Variants in CYTH1 observed in about 807,000 individuals in gnomAD.
CYTH1 encodes cytohesin 1.
CYTH1 carries 18 observed loss-of-function variants against 61.8 expected under a neutral mutation model. That is an observed-to-expected ratio of 0.29 (90% CI 0.20 to 0.43). The LOEUF is 0.43. Among genes scored for constraint, CYTH1 ranks in the 20% least tolerant of loss-of-function variants. CYTH1 has a pLI of 1.00. For missense variants in CYTH1, 336 were observed against 510.5 expected, an observed-to-expected ratio of 0.66 and a Z score of 3.29; for synonymous variants, 174 against 184.3, an observed-to-expected ratio of 0.94 and a Z score of 0.45.
intron 1 of CYTH1, among the ~76,000 whole-genome samples, chr17:78,715,383 T>C (rs529500228): frequency 1.3e-5 from 2 of 152,302 alleles, no homozygotes; most frequent in Non-Finnish European, 2.9e-5. Flanking sequence ...GCACCCCTTC[T>C]GAAGAAGCTA....
intron 1 of CYTH1, among the ~76,000 whole-genome samples, chr17:78,768,336 C>A (rs1206165994): frequency 6.6e-6 from 1 of 152,170 alleles, no homozygotes; most frequent in East Asian, 1.9e-4. Flanking sequence ...CGTGGCATCA[C>A]CCACTCCCTG....
intron 3 of CYTH1, among the ~76,000 whole-genome samples, chr17:78,707,096 AGAG>A (rs1443913828): frequency 2.0e-5 from 3 of 152,230 alleles, no homozygotes; most frequent in Non-Finnish European, 4.4e-5. Context: ...TAAAATGGAA[AGAG>A]GGGAAACTAA....
rs1567851953 is a variant in CYTH1 at position 78,711,297 on chromosome 17, TA to T, written c.23-1566del. Among the ~76,000 whole-genome samples the T allele has an allele frequency of 6.1e-3, 656 of 106,672 alleles. 4 individuals are homozygous for T. The highest frequency in any genetic ancestry group is 0.017 in the African/African-American group (476 of 28,328). The allele number at this position is 106,672 out of a possible 152,430, so 70.0% of individuals were successfully genotyped here. A position where few individuals can be genotyped will look rare whatever the true frequency, so the allele number is the denominator to read the frequency against. ...ATAAATAAATAAATAAATAAATAAA[TA>T]AATAATATATATATATACACACACA... On this transcript the variant is annotated intron_variant, in intron 1 of 13. Coordinates refer to ENST00000446868, the MANE Select transcript of CYTH1 (RefSeq NM_004762.6).
At chr17:78,747,864 G>C (rs2093365399) in intron 1 of CYTH1, among the ~76,000 whole-genome samples, 2 of 152,088 alleles carry the variant, frequency 1.3e-5, no homozygotes, top group Admixed American at 1.3e-4. Flanking sequence ...GTAAAATTTT[G>C]TGTTGTATAG....
chr17:78,776,827 A>T (rs9913217), intron 1 of CYTH1, among the ~76,000 whole-genome samples: 13,109 of 147,656 alleles, frequency 0.089, 1,173 homozygotes, highest in African/African-American at 0.24. Flanking sequence ...TTTTTTTTTT[A>T]AAAAAAGAAA....
chr17:78,676,209 C>A, intron 13 of CYTH1, 40 bp from the exon 14 acceptor site: 1 of 1,568,978 alleles, frequency 6.4e-7, no homozygotes, highest in South Asian at 1.2e-5. Context: ...ACGTGAGGGA[C>A]AGAATCAGAA....
chr17:78,711,670 T>TG (rs1383217206), intron 1 of CYTH1, among the ~76,000 whole-genome samples: 1 of 151,344 alleles, frequency 6.6e-6, no homozygotes, highest in Non-Finnish European at 1.5e-5. Flanking sequence ...AAGTGTACAG[T>TG]GGGTTAATTA....
intron 1 of CYTH1, among the ~76,000 whole-genome samples, chr17:78,722,631 TTC>T (rs1462065841): frequency 1.3e-5 from 2 of 152,158 alleles, no homozygotes; most frequent in African/African-American, 4.8e-5. Context: ...TGGAAGTCAA[TTC>T]TCTCTCACTT....
chr17:78,752,485 T>C (rs1366199817), intron 1 of CYTH1, among the ~76,000 whole-genome samples: 2 of 152,104 alleles, frequency 1.3e-5, no homozygotes, highest in African/African-American at 4.8e-5. Context: ...CAGGCTGGAG[T>C]GTAGTGGTGT....
At chr17:78,710,431 C>A (rs1406979727) in intron 1 of CYTH1, among the ~76,000 whole-genome samples, 1 of 152,166 alleles carries the variant, frequency 6.6e-6, no homozygotes, top group African/African-American at 2.4e-5. Context: ...CCACAAAATA[C>A]TTCTGCCATC....
At chr17:78,774,784 C>A (rs928847913) in intron 1 of CYTH1, among the ~76,000 whole-genome samples, 1 of 152,138 alleles carries the variant, frequency 6.6e-6, no homozygotes, top group Non-Finnish European at 1.5e-5. Flanking sequence ...TGATATAAAT[C>A]CTCCTTTTAT....
chr17:78,721,124 G>A (rs915412822), intron 1 of CYTH1, among the ~76,000 whole-genome samples: 1 of 152,150 alleles, frequency 6.6e-6, no homozygotes, highest in African/African-American at 2.4e-5. Flanking sequence ...GAGGTCAGGT[G>A]TTCAAGACCA....
At chr17:78,776,666 A>C (rs974119908) in intron 1 of CYTH1, among the ~76,000 whole-genome samples, 2 of 151,930 alleles carry the variant, frequency 1.3e-5, no homozygotes, top group African/African-American at 4.8e-5. Flanking sequence ...CTCAAAAAAA[A>C]AAAAAAAAAA....
chr17:78,772,996 AT>A (rs935842030), intron 1 of CYTH1, among the ~76,000 whole-genome samples: 1 of 151,382 alleles, frequency 6.6e-6, no homozygotes, highest in Non-Finnish European at 1.5e-5. Context: ...CACCCGGCTA[AT>A]TTTTTTTTGT....
chr17:78,676,258 T>C lies in CYTH1; in HGVS notation c.1119-89A>G, dbSNP rs1456571006. Reference sequence around the variant, plus strand: ...GCAGGGGATTCTCAGGGGCCCCTCGTGCCCCAGAACACCTGTCCCACCCCA... The same window carrying C: ...GCAGGGGATTCTCAGGGGCCCCTCGCGCCCCAGAACACCTGTCCCACCCCA... On this transcript the variant is annotated intron_variant, in intron 13 of 13. Transcript: ENST00000446868. The C allele has an allele frequency of 1.7e-5, 22 of 1,327,850 alleles. No individual in the cohort carries two copies. In the East Asian group the frequency reaches 5.5e-4, roughly 33 times the overall value. The allele number at this position is 1,327,850 out of a possible 1,614,324, so 82.3% of individuals were successfully genotyped here. A position where few individuals can be genotyped will look rare whatever the true frequency, so the allele number is the denominator to read the frequency against.
At chr17:78,681,931 T>C (rs2092768746) in intron 11 of CYTH1, among the ~76,000 whole-genome samples, 1 of 152,078 alleles carries the variant, frequency 6.6e-6, no homozygotes, top group East Asian at 1.9e-4. Flanking sequence ...AGCAACTATT[T>C]CCAACTTCTT....
At chr17:78,746,489 G>A (rs1312153217) in intron 1 of CYTH1, among the ~76,000 whole-genome samples, 2 of 152,018 alleles carry the variant, frequency 1.3e-5, no homozygotes, top group African/African-American at 4.8e-5. Flanking sequence ...ACAGTGCGGC[G>A]ACCGAGTTTC....
At chr17:78,727,641 C>T in intron 1 of CYTH1, 1 of 470,790 alleles carries the variant, frequency 2.1e-6, no homozygotes, top group Non-Finnish European at 4.4e-6. Context: ...GGATACTGGC[C>T]CCCTGCCTCC....
At chr17:78,711,634 G>A (rs930473842) in intron 1 of CYTH1, among the ~76,000 whole-genome samples, 6 of 151,218 alleles carry the variant, frequency 4.0e-5, no homozygotes, top group African/African-American at 1.5e-4. Context: ...AAAATCACAA[G>A]AGGGTAGAAA....
Sources: allele counts gnomAD v4.1 joint callset (sites outside exome capture counted in the v4.1 genomes callset), GRCh38; gene constraint gnomAD v4.1.1; transcripts MANE v1.5; gene names NCBI Gene and HGNC (gene_info 2026-07-23, HGNC 2026-07-21).